Variants in PRKG2 observed in about 807,000 individuals in gnomAD.
PRKG2 encodes cGMP-dependent protein kinase 2.
A neutral mutation model predicts 97.2 loss-of-function variants in PRKG2; 33 were observed. The ratio of observed to expected loss-of-function variants is 0.34; its 90% CI spans 0.26 to 0.45. The LOEUF is 0.45. PRKG2 is among the 20% of genes least tolerant of loss of function. The pLI, the probability that PRKG2 is intolerant of heterozygous loss-of-function variation, is 1.00. For missense variants in PRKG2, 638 were observed against 900.0 expected (o/e 0.71, Z 3.73); for synonymous variants, 330 against 321.8 (o/e 1.03, Z -0.27).
intron 1 of PRKG2, 106 bp from the exon 2 acceptor site, chr4:81,205,166 C>A: frequency 1.5e-6 from 1 of 665,688 alleles, no homozygotes; most frequent in Non-Finnish European, 2.4e-6. Flanking sequence ...ACACAGTAAT[C>A]TTCATTGTTT....
chr4:81,160,221 A>G (rs1208117707), intron 6 of PRKG2, among the ~76,000 whole-genome samples: 2 of 152,184 alleles, frequency 1.3e-5, no homozygotes, highest in Non-Finnish European at 2.9e-5. Flanking sequence ...TGAGTATTAC[A>G]CACCTGTTTT....
intron 14 of PRKG2, among the ~76,000 whole-genome samples, chr4:81,119,770 GT>G (rs1314446561): frequency 1.3e-5 from 2 of 151,726 alleles, no homozygotes; most frequent in African/African-American, 4.8e-5. Flanking sequence ...CACCTCCCGG[GT>G]TCACACCATT....
At chr4:81,154,072 A>T (rs1298308906) in intron 6 of PRKG2, 1 of 176,116 alleles carries the variant, frequency 5.7e-6, no homozygotes, top group Admixed American at 5.9e-5. Flanking sequence ...CCTTAAAAAA[A>T]CGGCGCACCA....
intron 6 of PRKG2, among the ~76,000 whole-genome samples, chr4:81,165,928 C>CA (rs957212354): frequency 5.3e-5 from 8 of 149,630 alleles, no homozygotes; most frequent in African/African-American, 1.7e-4. Context: ...CCTTGGTTAA[C>CA]AAAAAAAACT....
chr4:81,123,505 C>T (rs891282228), intron 14 of PRKG2, among the ~76,000 whole-genome samples: 5 of 152,156 alleles, frequency 3.3e-5, no homozygotes, highest in African/African-American at 7.2e-5. Flanking sequence ...CCCAGGTTCA[C>T]GCCATTCTCC....
intron 14 of PRKG2, among the ~76,000 whole-genome samples, chr4:81,111,289 C>T (rs1253145753): frequency 1.3e-5 from 2 of 152,062 alleles, no homozygotes; most frequent in Non-Finnish European, 2.9e-5. Flanking sequence ...CTTACTTATT[C>T]GGAAAACATA....
intron 6 of PRKG2, among the ~76,000 whole-genome samples, chr4:81,159,515 T>C (rs1030601919): frequency 2.0e-5 from 3 of 152,106 alleles, no homozygotes; most frequent in Non-Finnish European, 2.9e-5. Context: ...TTGGTGGGAC[T>C]GTAAACTAGT....
At chr4:81,149,489 C>T (rs1438335180) in intron 8 of PRKG2, among the ~76,000 whole-genome samples, 1 of 152,060 alleles carries the variant, frequency 6.6e-6, no homozygotes, top group East Asian at 1.9e-4. Flanking sequence ...GAAATTAGAG[C>T]ATGTCTTAAA....
At position 81,144,273 on chromosome 4, in the gene PRKG2, A is replaced by G. The variant is rs749518011; in HGVS notation, c.1212T>C (p.Tyr404=). The G allele has an allele frequency of 2.5e-6, 4 of 1,612,566 alleles. No individual in the cohort carries two copies. The highest frequency in any genetic ancestry group is 3.4e-6 in the Non-Finnish European group (4 of 1,178,704). Residue 404 remains tyrosine (Y), a synonymous_variant, in exon 10 of 19, where the codon TAT becomes TAC. Transcript: ENST00000264399. ...FEELQKYLEG[Y]VANLNRDDEK... ...CATCATCACGGTTCAGGTTTGCCAC[A>G]TATCCTTCAAGGTATTTTTGCAGCT... is the stretch of plus-strand genomic sequence containing the variant.
In PRKG2 at chr4:81,088,109, A is replaced by T. The variant is rs965671852; in HGVS notation, c.*1599T>A. ...CAATCCTATTAAAAATGATTATTCT[A>T]TGTACAATACATAATCTTTAAAAAT... is the stretch of plus-strand genomic sequence containing the variant. On this transcript the variant is annotated 3_prime_UTR_variant, in exon 19 of 19. Transcript: ENST00000264399. 6.6e-6 allele frequency: 1 copy of T among 152,170 alleles called. No individual in the cohort carries two copies. The highest frequency in any genetic ancestry group is 2.4e-5 in the African/African-American group (1 of 41,470). 9.4% of individuals were successfully genotyped at this position (152,170 alleles called of 1,614,324 possible).
At chr4:81,113,317 C>CT (rs941954801) in intron 14 of PRKG2, among the ~76,000 whole-genome samples, 8 of 151,598 alleles carry the variant, frequency 5.3e-5, no homozygotes, top group African/African-American at 1.7e-4. Context: ...ACACCCTCCC[C>CT]TTTTTTTTCA....
chr4:81,155,502 T>C (rs1202303460), intron 6 of PRKG2, among the ~76,000 whole-genome samples: 1 of 151,968 alleles, frequency 6.6e-6, no homozygotes, highest in Non-Finnish European at 1.5e-5. Context: ...TGGAAAACAC[T>C]CTGCAGGATA....
intron 9 of PRKG2, among the ~76,000 whole-genome samples, chr4:81,147,867 G>A (rs1359286558): frequency 1.3e-5 from 2 of 152,072 alleles, no homozygotes; most frequent in Admixed American, 1.3e-4. Flanking sequence ...TTTTAGAAAT[G>A]CAACTAAAAT....
chr4:81,217,336 T>C (rs761024786), upstream of PRKG2, among the ~76,000 whole-genome samples: 6 of 152,228 alleles, frequency 3.9e-5, no homozygotes, highest in Middle Eastern at 3.4e-3. Context: ...TTACCGTTCA[T>C]TGAGGTAAAA....
In PRKG2 at chr4:81,144,263, G is replaced by A. The variant is rs780252159; in HGVS notation, c.1222C>T (p.Leu408=). ...TGTCTTTTTTCATCATCACGGTTCA[G>A]GTTTGCCACATATCCTTCAAGGTAT... The part of the protein sequence containing the change: ...QKYLEGYVAN[L]NRDDEKRHAK... The change falls in exon 10 of 19, where the codon CTG becomes TTG. Residue 408 remains leucine (L), a synonymous_variant. Coordinates refer to ENST00000264399, the MANE Select transcript of PRKG2 (RefSeq NM_006259.3). 3.0e-5 allele frequency: 49 copies of A among 1,611,746 alleles called. No individual in the cohort carries two copies. The highest frequency in any genetic ancestry group is 3.9e-5 in the Non-Finnish European group (46 of 1,178,222).
chr4:81,200,052 G>A (rs1177595098), intron 2 of PRKG2, among the ~76,000 whole-genome samples: 5 of 152,192 alleles, frequency 3.3e-5, no homozygotes. Flanking sequence ...ATTTGCCTGT[G>A]TTCCACCAGA....
chr4:81,174,082 T>TA (rs1246436808), intron 3 of PRKG2, among the ~76,000 whole-genome samples: 3 of 152,088 alleles, frequency 2.0e-5, no homozygotes, highest in African/African-American at 7.2e-5. Context: ...ATCTATACAT[T>TA]ACAAAAATAA....
intron 3 of PRKG2, 56 bp downstream of exon 3, chr4:81,174,736 GA>G: frequency 6.7e-7 from 1 of 1,490,460 alleles, no homozygotes; most frequent in Non-Finnish European, 9.1e-7. Context: ...AATGTTTGCA[GA>G]AAATCATAAC....
At chr4:81,103,358 A>G (rs756098197) in intron 17 of PRKG2, among the ~76,000 whole-genome samples, 2 of 149,446 alleles carry the variant, frequency 1.3e-5, no homozygotes, top group Non-Finnish European at 2.9e-5. Context: ...CAATGGCTCT[A>G]AAGGCCAGCT....
Sources: gnomAD v4.1 joint callset for allele counts (sites outside exome capture counted in the v4.1 genomes callset) on GRCh38, gnomAD v4.1.1 for gene constraint, MANE v1.5 for transcripts, NCBI Gene and HGNC (gene_info 2026-07-23, HGNC 2026-07-21) for gene names.